The following RBFOX1 variants were observed in gnomAD, a reference collection of about 807,000 sequenced individuals.
RBFOX1 encodes the protein RNA binding fox-1 homolog 1, also known as RNA binding protein fox-1 homolog 1.
RBFOX1 carries 8 observed loss-of-function variants against 57.7 expected under a neutral mutation model. That is an observed-to-expected ratio of 0.14 (90% CI 0.08 to 0.25). The LOEUF (loss-of-function observed/expected upper bound fraction) is 0.25, where lower values mean the gene tolerates loss of function less well. Ranked by LOEUF, RBFOX1 falls within the 10% of genes least tolerant of loss-of-function variation. RBFOX1 has a pLI of 1.00. For missense variants in RBFOX1, 611 were observed against 548.5 expected, an observed-to-expected ratio of 1.11 and a Z score of -1.14; for synonymous variants, 326 against 222.4, an observed-to-expected ratio of 1.47 and a Z score of -4.15.
At chr16:6,722,682 C>G (rs948599458) in intron 3 of RBFOX1, among the ~76,000 whole-genome samples, 1 of 152,342 alleles carries the variant, frequency 6.6e-6, no homozygotes, top group East Asian at 1.9e-4. Context: ...TTCTGTGTCT[C>G]TCTTGCAGTT....
intron 5 of RBFOX1, among the ~76,000 whole-genome samples, chr16:7,521,389 T>G (rs28635233): frequency 0.057 from 8,601 of 152,054 alleles, 342 homozygotes; most frequent in South Asian, 0.14. Flanking sequence ...TTAAAAAGAG[T>G]TTAAGCCAGA....
chr16:6,099,856 A>T (rs1440830193), intron 1 of RBFOX1, among the ~76,000 whole-genome samples: 1 of 152,178 alleles, frequency 6.6e-6, no homozygotes, highest in East Asian at 1.9e-4. Flanking sequence ...ATGAATAACA[A>T]ATATTTTACT....
At chr16:5,547,982 A>G (rs940716315) in intron 2 of RBFOX1, among the ~76,000 whole-genome samples, 2 of 151,610 alleles carry the variant, frequency 1.3e-5, no homozygotes, top group African/African-American at 4.9e-5. Context: ...CAACATGGTG[A>G]AACCCTGTCT....
chr16:6,219,682 C>T lies in RBFOX1; in HGVS notation c.-126-97313C>T, dbSNP rs537716238. ...TTGAGGTCAGGAGTTCAAGACCAGC[C>T]TGACCAACATGGTGAAAACCTGTCT... On this transcript the variant is annotated intron_variant, in intron 1 of 15. Transcript: ENST00000550418. Among the ~76,000 whole-genome samples, 11 of 152,202 alleles carry T rather than the reference C, an allele frequency of 7.2e-5. No homozygotes were observed. In the South Asian group the frequency reaches 2.3e-3, roughly 32 times the overall value.
chr16:6,482,500 G>C (rs1374792009), intron 2 of RBFOX1, among the ~76,000 whole-genome samples: 2 of 152,108 alleles, frequency 1.3e-5, no homozygotes, highest in Non-Finnish European at 2.9e-5. Flanking sequence ...AGGACTTCTT[G>C]GGAAAATAAC....
At chr16:6,756,349 A>G (rs1050227550) in intron 3 of RBFOX1, among the ~76,000 whole-genome samples, 1 of 152,188 alleles carries the variant, frequency 6.6e-6, no homozygotes, top group Admixed American at 6.5e-5. Context: ...TTGAAACCCA[A>G]TACTATAAAA....
Position 6,829,202 on chromosome 16 carries a change from C to A in RBFOX1, c.-16+174552C>A, listed in dbSNP as rs1051721778. On this transcript the variant is annotated intron_variant, in intron 3 of 15. Transcript: ENST00000550418. The stretch of plus-strand genomic sequence containing the variant: ...AAGAAATGTCAGATGTGTCATTTGA[C>A]CCAAAAGAAAAGCATTTTAAAGGAA... 5.1e-4 allele frequency among the ~76,000 whole-genome samples: 76 copies of A among 149,482 alleles called. 3 individuals carry two copies. The highest frequency in any genetic ancestry group is 3.0e-5 in the Non-Finnish European group (2 of 67,674).
At chr16:6,813,637 G>T (rs566302018) in intron 3 of RBFOX1, among the ~76,000 whole-genome samples, 1 of 152,118 alleles carries the variant, frequency 6.6e-6, no homozygotes, top group African/African-American at 2.4e-5. Flanking sequence ...GAACTGAGTA[G>T]GGGGTGGATG....
Position 6,939,135 on chromosome 16 carries a change from G to T in RBFOX1, c.-15-112922G>T, listed in dbSNP as rs147888390. Among the ~76,000 whole-genome samples, 210 of 152,168 alleles carry T rather than the reference G, an allele frequency of 1.4e-3. 2 individuals are homozygous for T. The highest frequency in any genetic ancestry group is 4.8e-3 in the African/African-American group (200 of 41,534). Reference sequence around the variant, plus strand: ...CAGAAAAATTTAGCAACCTGCCAAGGTCACACCACTAACTAATGGCATAGC... The same window carrying T: ...CAGAAAAATTTAGCAACCTGCCAAGTTCACACCACTAACTAATGGCATAGC... On this transcript the variant is annotated intron_variant, in intron 3 of 15. Transcript: ENST00000550418.
intron 4 of RBFOX1, among the ~76,000 whole-genome samples, chr16:5,872,788 G>T (rs753742017): frequency 6.6e-6 from 1 of 152,000 alleles, no homozygotes; most frequent in African/African-American, 2.4e-5. Context: ...ACAGAGCCTG[G>T]CATACAGTAG....
chr16:7,011,159 G>C (rs770159976), intron 3 of RBFOX1, among the ~76,000 whole-genome samples: 1 of 151,926 alleles, frequency 6.6e-6, no homozygotes, highest in Non-Finnish European at 1.5e-5. Context: ...AAAAACTGCA[G>C]ACAGATTTGG....
intron 2 of RBFOX1, among the ~76,000 whole-genome samples, chr16:6,588,147 C>G (rs2097657269): frequency 6.6e-6 from 1 of 151,884 alleles, no homozygotes; most frequent in Non-Finnish European, 1.5e-5. Flanking sequence ...AGGAGAATTG[C>G]TTGAACCTGG....
intron 1 of RBFOX1, among the ~76,000 whole-genome samples, chr16:6,141,877 G>A (rs2096718645): frequency 1.3e-5 from 2 of 151,760 alleles, no homozygotes; most frequent in Admixed American, 1.3e-4. Context: ...TGACCAACAT[G>A]GTGAAACCCC....
chr16:6,766,766 C>A (rs571909466), intron 3 of RBFOX1, among the ~76,000 whole-genome samples: 1 of 152,028 alleles, frequency 6.6e-6, no homozygotes. Flanking sequence ...GGAATTTACA[C>A]CAGTGATGGT....
At chr16:6,797,755 T>C (rs1266988524) in intron 3 of RBFOX1, among the ~76,000 whole-genome samples, 2 of 152,182 alleles carry the variant, frequency 1.3e-5, no homozygotes, top group Non-Finnish European at 2.9e-5. Context: ...GGGTCCATTA[T>C]ACCTGGTTTT....
intron 4 of RBFOX1, among the ~76,000 whole-genome samples, chr16:7,242,466 C>A (rs1012204225): frequency 6.6e-6 from 1 of 152,010 alleles, no homozygotes; most frequent in African/African-American, 2.4e-5. Flanking sequence ...TATTTTTCAC[C>A]ACTTGTTGAA....
chr16:6,185,173 C>T (rs1010190766), intron 1 of RBFOX1, among the ~76,000 whole-genome samples: 8 of 152,192 alleles, frequency 5.3e-5, no homozygotes, highest in African/African-American at 1.9e-4. Flanking sequence ...ACCATGTGCA[C>T]AGGCTCTAAT....
chr16:6,880,640 C>T (rs2062747258), intron 3 of RBFOX1, among the ~76,000 whole-genome samples: 1 of 152,098 alleles, frequency 6.6e-6, no homozygotes. Context: ...AAAAAATCAA[C>T]CCAAATAAAA....
intron 4 of RBFOX1, among the ~76,000 whole-genome samples, chr16:7,054,546 G>GGGGGGGA (rs1372844000): frequency 2.2e-5 from 1 of 45,922 alleles, no homozygotes; most frequent in African/African-American, 4.4e-5. Flanking sequence ...AAACCTGGGT[G>GGGGGGGA]GGGGGGCATT....
Sources: gnomAD v4.1 joint callset for allele counts (sites outside exome capture counted in the v4.1 genomes callset) on GRCh38, gnomAD v4.1.1 for gene constraint, MANE v1.5 for transcripts, NCBI Gene and HGNC (gene_info 2026-07-23, HGNC 2026-07-21) for gene names.